SIM2: variants seen among roughly 807,000 people sequenced by gnomAD.
SIM2 encodes the protein single-minded homolog 2.
A neutral mutation model predicts 64.8 loss-of-function variants in SIM2; 28 were observed. That is an observed-to-expected ratio of 0.43 (90% confidence interval 0.32 to 0.59). The LOEUF is 0.59. Among genes scored for constraint, SIM2 ranks in the 20% least tolerant of loss-of-function variants. The pLI is 0.07. For missense variants in SIM2, 847 were observed against 871.4 expected, an observed-to-expected ratio of 0.97 and a Z score of 0.35; for synonymous variants, 408 against 391.1, an observed-to-expected ratio of 1.04 and a Z score of -0.51.
At chr21:36,718,554 A>G (rs995967310) in intron 3 of SIM2, among the ~76,000 whole-genome samples, 2 of 152,220 alleles carry the variant, frequency 1.3e-5, no homozygotes, top group African/African-American at 2.4e-5. Flanking sequence ...AGGGTCAAGA[A>G]GGAATTCTCC....
In SIM2 at chr21:36,709,666, G is replaced by A. The variant is rs77551941; in HGVS notation, c.258+416G>A. On this transcript the variant is annotated intron_variant, in intron 2 of 10. Transcript: ENST00000290399. ...TCTGAAGCATTCGGCCGCTGTGTGT[G>A]TGCAAGGGGCGCAAGGACGGAGAGA... The A allele has an allele frequency of 1.2e-3, 426 of 356,430 alleles. 2 individuals carry two copies. Among genetic ancestry groups the A allele is most frequent in the African/African-American group, 8.6e-3 (398 of 46,088 alleles). 22.1% of individuals were successfully genotyped at this position (356,430 alleles called of 1,614,324 possible).
chr21:36,726,153 A>C lies in SIM2; in HGVS notation c.578A>C (p.Gln193Pro), dbSNP rs745602000. 6.2e-7 allele frequency: 1 copy of C among 1,613,964 alleles called. No homozygotes were observed. Among genetic ancestry groups the C allele is most frequent in the Non-Finnish European group, 8.5e-7 (1 of 1,180,038 alleles). Residue 193 changes from glutamine (Q) to proline (P), a missense_variant, in exon 6 of 11, where the codon CAG (glutamine) becomes CCG (proline). Gln to Pro is a moderately conservative substitution (Grantham distance 76). This residue lies in a region of SIM2 where 397 missense variants were observed against 439.2 expected (regional missense o/e 0.90). Transcript: ENST00000290399. This position sits in a 1 kb window ranked among gnomAD's most constrained non-coding sequence, Gnocchi z 4.5. ...IHCSGYLKIR[Q>P]YMLDMSLYDS... ...TGCAGTGGCTACTTGAAGATCAGGC[A>C]GTATATGCTGGACATGTCCCTGTAC...
intron 4 of SIM2, among the ~76,000 whole-genome samples, chr21:36,722,443 C>T (rs550555779): frequency 1.3e-5 from 2 of 152,344 alleles, no homozygotes; most frequent in African/African-American, 2.4e-5. Flanking sequence ...TGACCTCGCC[C>T]TCCCTTAGAG....
intron 1 of SIM2, among the ~76,000 whole-genome samples, chr21:36,704,835 C>T (rs2088556913): frequency 6.6e-6 from 1 of 152,202 alleles, no homozygotes; most frequent in Non-Finnish European, 1.5e-5. Context: ...TGGGGCGTCC[C>T]CACGACCACC....
intron 1 of SIM2, among the ~76,000 whole-genome samples, chr21:36,702,615 C>T (rs2088517804): frequency 6.7e-6 from 1 of 148,904 alleles, no homozygotes. Context: ...AACTGGTCAC[C>T]CTTCCAGTAG....
chr21:36,709,464 C>T, intron 2 of SIM2: 2 of 684,144 alleles, frequency 2.9e-6, no homozygotes, highest in Non-Finnish European at 2.7e-6. Flanking sequence ...ACGTCTGCCC[C>T]CACACCCCGC....
chr21:36,747,870 G>A lies in SIM2; in HGVS notation c.1782G>A (p.Gln594=). The change falls in exon 11 of 11, where the codon CAG becomes CAA. Residue 594 remains glutamine (Q), a synonymous_variant. Coordinates refer to ENST00000290399, the MANE Select transcript of SIM2 (RefSeq NM_005069.6). This position sits in a 1 kb window ranked among gnomAD's most constrained non-coding sequence, Gnocchi z 4.5. The stretch of plus-strand genomic sequence containing the variant: ...CCGAGGCCCCGGGCGCGCCGGCGCA[G>A]CTGCCCTTCGTGCTGCTCAACTACC... ...PTPEAPGAPA[Q]LPFVLLNYHR... is the part of the protein sequence containing the mutation. 1 of 1,052,848 alleles carries A rather than the reference G, an allele frequency of 9.5e-7. No homozygotes were observed. Among genetic ancestry groups the A allele is most frequent in the African/African-American group, 1.7e-5 (1 of 57,812 alleles). 65.2% of individuals were successfully genotyped at this position (1,052,848 alleles called of 1,614,324 possible). A position where few individuals can be genotyped will look rare whatever the true frequency, so the allele number is the denominator to read the frequency against.
intron 3 of SIM2, 31 bp downstream of exon 3, chr21:36,712,653 A>G (rs777543446): frequency 6.9e-7 from 1 of 1,445,770 alleles, no homozygotes; most frequent in Admixed American, 1.7e-5. Flanking sequence ...TGTGCAACCA[A>G]AATATTAAAC....
chr21:36,725,973 C>A, intron 5 of SIM2, 146 bp from the exon 6 acceptor site: 1 of 636,870 alleles, frequency 1.6e-6, no homozygotes, highest in Non-Finnish European at 2.8e-6. Flanking sequence ...AGCAATGAAC[C>A]GGTGCCTGTC....
At position 36,747,547 on chromosome 21, in the gene SIM2, G is replaced by C. The variant is rs1243955020; in HGVS notation, c.1577-118G>C. ...GACTAAGGCGGGGGAGGGCGACAGC[G>C]ACCCCGCGGGTGCAGCGCGTGGGCG... On this transcript the variant is annotated intron_variant, in intron 10 of 10. Transcript: ENST00000290399. This position sits in a 1 kb window ranked among gnomAD's most constrained non-coding sequence, Gnocchi z 4.5. 3.0e-5 allele frequency: 19 copies of C among 623,774 alleles called. No individual in the cohort carries two copies. The highest frequency in any genetic ancestry group is 3.4e-5 in the Non-Finnish European group (16 of 467,656). 38.6% of individuals were successfully genotyped at this position (623,774 alleles called of 1,614,324 possible). A position where few individuals can be genotyped will look rare whatever the true frequency, so the allele number is the denominator to read the frequency against.
At position 36,747,393 on chromosome 21, in the gene SIM2, T is replaced by C. The variant is rs1186968207; in HGVS notation, c.1577-272T>C. Among the ~76,000 whole-genome samples the C allele has an allele frequency of 4.6e-5, 7 of 151,994 alleles. No homozygotes were observed. Among genetic ancestry groups the C allele is most frequent in the East Asian group, 3.9e-4 (2 of 5,180 alleles). ...CAATAATTGTTTCACACGGATTCCA[T>C]TGAGAGAGTATTTTGGATATGCTGC... On this transcript the variant is annotated intron_variant, in intron 10 of 10. Transcript: ENST00000290399. This position sits in a 1 kb window ranked among gnomAD's most constrained non-coding sequence, Gnocchi z 4.5.
chr21:36,716,028 G>A (rs2088742119), intron 3 of SIM2, among the ~76,000 whole-genome samples: 6 of 152,174 alleles, frequency 3.9e-5, no homozygotes. Context: ...GTGTTAGGCA[G>A]TAGAGAGGCA....
rs747941536 is a variant in SIM2, at chr21:36,712,540, A to T, written c.266A>T (p.Asp89Val). Residue 89 changes from aspartate (D) to valine (V), a missense_variant, in exon 3 of 11, where the codon GAT becomes GTT. By Grantham distance (152) the Asp-to-Val change is radical. This residue lies in a region of SIM2 where 397 missense variants were observed against 439.2 expected (regional missense o/e 0.90). Coordinates refer to ENST00000290399, the MANE Select transcript of SIM2 (RefSeq NM_005069.6). ...ACACTTTATCTTTTACAGACTTTGG[A>T]TGGATTTGTTTTTGTGGTAGCATCT... ...ELGSHLLQTL[D>V]GFVFVVASDG... 3.5e-5 allele frequency: 57 copies of T among 1,608,390 alleles called. No individual in the cohort carries two copies. Among genetic ancestry groups the T allele is most frequent in the Non-Finnish European group, 4.9e-5 (57 of 1,175,114 alleles).
At position 36,703,050 on chromosome 21, in the gene SIM2, G is replaced by A. The variant is rs560606828; in HGVS notation, c.175+3129G>A. Among the ~76,000 whole-genome samples, 16 of 152,214 alleles carry A rather than the reference G, an allele frequency of 1.1e-4. No homozygotes were observed. In the South Asian group the frequency reaches 3.3e-3, roughly 32 times the overall value. ...AGACATGACACAGGCCTTTCCCAAG[G>A]CTCTGTAGCAAGGGCAATAGCAGGC... On this transcript the variant is annotated intron_variant, in intron 1 of 10. Transcript: ENST00000290399.
chr21:36,717,691 C>A (rs2088765979), intron 3 of SIM2, among the ~76,000 whole-genome samples: 1 of 152,096 alleles, frequency 6.6e-6, no homozygotes, highest in South Asian at 2.1e-4. Flanking sequence ...AGGTGATCCG[C>A]CTGCCTCGGC....
chr21:36,709,759 G>A (rs2088649122), intron 2 of SIM2: 2 of 277,224 alleles, frequency 7.2e-6, no homozygotes, highest in South Asian at 3.2e-5. Flanking sequence ...ATTCAGTTCC[G>A]GACCTTATTG....
chr21:36,726,346 G>T lies in SIM2; in HGVS notation c.743+28G>T. 6.3e-7 allele frequency: 1 copy of T among 1,596,406 alleles called. No homozygotes were observed. On this transcript the variant is annotated intron_variant, in intron 6 of 10. Coordinates refer to ENST00000290399, the MANE Select transcript of SIM2 (RefSeq NM_005069.6). This position sits in a 1 kb window ranked among gnomAD's most constrained non-coding sequence, Gnocchi z 4.5. Reference sequence around the variant, plus strand: ...GAGTTCGGCACCTGCCACAGTGGCTGTGGCCTTCTGGAAGACACCGGTGGT... The same window carrying T: ...GAGTTCGGCACCTGCCACAGTGGCTTTGGCCTTCTGGAAGACACCGGTGGT...
chr21:36,719,974 C>G, intron 4 of SIM2, 45 bp downstream of exon 4: 1 of 1,332,026 alleles, frequency 7.5e-7, no homozygotes, highest in Non-Finnish European at 1.1e-6. Flanking sequence ...AAAAGCAAGG[C>G]GACATTCTTA....
intron 1 of SIM2, among the ~76,000 whole-genome samples, chr21:36,704,285 C>A (rs1469746088): frequency 6.6e-6 from 1 of 152,256 alleles, no homozygotes; most frequent in East Asian, 1.9e-4. Context: ...AGGAGAAACT[C>A]ACCCCTATAC....
Sources: gnomAD v4.1 joint callset for allele counts (sites outside exome capture counted in the v4.1 genomes callset) on GRCh38, gnomAD v4.1.1 for gene constraint, gnomAD v4.1.1 regional missense constraint, Gnocchi (gnomAD v3.1) non-coding constraint, MANE v1.5 for transcripts, NCBI Gene and HGNC (gene_info 2026-07-23, HGNC 2026-07-21) for gene names.